Variants in WTIP observed in about 807,000 individuals in gnomAD.
The protein encoded by WTIP is Wilms tumor protein 1-interacting protein.
WTIP carries 23 observed loss-of-function variants against 41.7 expected under a neutral mutation model. The ratio of observed to expected loss-of-function variants is 0.55; its 90% CI spans 0.40 to 0.78. The LOEUF (loss-of-function observed/expected upper bound fraction) is 0.78, where lower values mean the gene tolerates loss of function less well. WTIP is among the 30% of genes least tolerant of loss of function. WTIP has a pLI of 0.00. For missense variants in WTIP, 619 were observed against 610.5 expected, an observed-to-expected ratio of 1.01 and a Z score of -0.15; for synonymous variants, 314 against 269.9, an observed-to-expected ratio of 1.16 and a Z score of -1.60.
chr19:34,499,104 G>T (rs1285833959), intron 7 of WTIP, among the ~76,000 whole-genome samples: 1 of 151,932 alleles, frequency 6.6e-6, no homozygotes, highest in Non-Finnish European at 1.5e-5. Context: ...AGTCCCAGCT[G>T]CTTGGGAGGC....
In WTIP at chr19:34,512,291, C is replaced by T. The variant is rs2075935900; in HGVS notation, c.*12022C>T. 6.6e-6 allele frequency: 1 copy of T among 152,232 alleles called. No homozygotes were observed. Among genetic ancestry groups the T allele is most frequent in the Admixed American group, 6.5e-5 (1 of 15,288 alleles). 9.4% of individuals were successfully genotyped at this position (152,232 alleles called of 1,614,324 possible). On this transcript the variant is annotated 3_prime_UTR_variant, in exon 8 of 8. Coordinates refer to ENST00000590071, the MANE Select transcript of WTIP (RefSeq NM_001080436.2). ...TTTGATAAAGTTAATAAATGGAATTCTCCTTTACCTCAAGAATGCCTTATG... is the reference window on the plus strand; with the variant it reads ...TTTGATAAAGTTAATAAATGGAATTTTCCTTTACCTCAAGAATGCCTTATG...
At chr19:34,495,517 G>T (rs1029532882) in intron 6 of WTIP, among the ~76,000 whole-genome samples, 186 bp from the exon 7 acceptor site, 1 of 152,230 alleles carries the variant, frequency 6.6e-6, no homozygotes, top group Non-Finnish European at 1.5e-5. Flanking sequence ...CCTAAGGCCC[G>T]CATGTGTCTG....
intron 5 of WTIP, 116 bp from the exon 6 acceptor site, chr19:34,494,470 G>A (rs2075842734): frequency 1.0e-6 from 1 of 954,382 alleles, no homozygotes; most frequent in Non-Finnish European, 1.7e-6. Flanking sequence ...GTGCACACAG[G>A]GAGAGAGGGC....
Position 34,493,823 on chromosome 19 carries a change from T to C in WTIP, c.1031+201T>C, listed in dbSNP as rs547994652. ...GGTGGTCCGGCCACCAGCTGTCTTT[T>C]GCCTCTTCTCTCCCTATCGTGGCCT... On this transcript the variant is annotated intron_variant, in intron 5 of 7. Coordinates refer to ENST00000590071, the MANE Select transcript of WTIP (RefSeq NM_001080436.2). The surrounding 1 kb of genome is among the most constrained non-coding windows in gnomAD (Gnocchi z 4.1). Among the ~76,000 whole-genome samples the C allele has an allele frequency of 1.1e-4, 16 of 152,216 alleles. No individual in the cohort carries two copies. The East Asian group carries it at 2.9e-3, about 28-fold the overall frequency.
chr19:34,511,639 A>G lies in WTIP; in HGVS notation c.*11370A>G, dbSNP rs2075933555. The G allele has an allele frequency of 6.6e-6, 1 of 152,188 alleles. No individual in the cohort carries two copies. Among genetic ancestry groups the G allele is most frequent in the African/African-American group, 2.4e-5 (1 of 41,438 alleles). 9.4% of individuals were successfully genotyped at this position (152,188 alleles called of 1,614,324 possible). A position where few individuals can be genotyped will look rare whatever the true frequency, so the allele number is the denominator to read the frequency against. On this transcript the variant is annotated 3_prime_UTR_variant, in exon 8 of 8. Coordinates refer to ENST00000590071, the MANE Select transcript of WTIP (RefSeq NM_001080436.2). ...TCTGTGCCAAGCAGTGTTCCCATCA[A>G]TCATAGGAAAATACCATTTCCCGCA...
chr19:34,505,465 C>G lies in WTIP; in HGVS notation c.*5196C>G, dbSNP rs978394318. 2.0e-5 allele frequency: 3 copies of G among 152,306 alleles called. No individual in the cohort carries two copies. Among genetic ancestry groups the G allele is most frequent in the Admixed American group, 2.0e-4 (3 of 15,290 alleles). The allele number at this position is 152,306 out of a possible 1,614,324, so 9.4% of individuals were successfully genotyped here. ...CCAGCCCCCCTGTGGGCCCTCAGGA[C>G]TGGTAGCCCTGGGCCCCCTGGCGCT... On this transcript the variant is annotated 3_prime_UTR_variant, in exon 8 of 8. Coordinates refer to ENST00000590071, the MANE Select transcript of WTIP (RefSeq NM_001080436.2).
Position 34,493,898 on chromosome 19 carries a change from A to C in WTIP, c.1031+276A>C, listed in dbSNP as rs2075839488. ...GGGGACCCTCCTGGCTGCAGTACCC[A>C]CCATCTTTCCCCCTCCTCCCCTCCA... On this transcript the variant is annotated intron_variant, in intron 5 of 7. Transcript: ENST00000590071. This position sits in a 1 kb window ranked among gnomAD's most constrained non-coding sequence, Gnocchi z 4.1. Among the ~76,000 whole-genome samples, 1 of 151,670 alleles carries C rather than the reference A, an allele frequency of 6.6e-6. No individual in the cohort carries two copies. Among genetic ancestry groups the C allele is most frequent in the South Asian group, 2.1e-4 (1 of 4,798 alleles).
In WTIP at chr19:34,493,149, G is replaced by A. The variant is rs776330579; in HGVS notation, c.837+45G>A. On this transcript the variant is annotated intron_variant, in intron 3 of 7. Coordinates refer to ENST00000590071, the MANE Select transcript of WTIP (RefSeq NM_001080436.2). The surrounding 1 kb of genome is among the most constrained non-coding windows in gnomAD (Gnocchi z 4.1). ...TGGCAGTGCCAGGGGTGGGAGGTGG[G>A]GCAGGGACCCTCATTCTGACTCGAG... is the stretch of plus-strand genomic sequence containing the variant. 3.1e-6 allele frequency: 5 copies of A among 1,613,614 alleles called. No individual in the cohort carries two copies. The South Asian group carries it at 5.5e-5, about 18-fold the overall frequency.
intron 1 of WTIP, among the ~76,000 whole-genome samples, chr19:34,483,009 T>C (rs576341618): frequency 0.018 from 2,561 of 145,070 alleles, 30 homozygotes; most frequent in Non-Finnish European, 0.028. Context: ...CTTTCTTCTT[T>C]TTTTTTTTTT....
At position 34,492,899 on chromosome 19, in the gene WTIP, T is replaced by C; in HGVS notation, c.770-138T>C. ...TTTTGTTATTATAACAATAACAACA[T>C]AATATTAAAGGGAAATTTAGAAAAC... is the stretch of plus-strand genomic sequence containing the variant. On this transcript the variant is annotated intron_variant, in intron 2 of 7. Coordinates refer to ENST00000590071, the MANE Select transcript of WTIP (RefSeq NM_001080436.2). The C allele has an allele frequency of 5.4e-6, 4 of 736,302 alleles. No homozygotes were observed. In the East Asian group the frequency reaches 1.1e-4, roughly 20 times the overall value. 45.6% of individuals were successfully genotyped at this position (736,302 alleles called of 1,614,324 possible).
chr19:34,498,303 C>A (rs531745008), intron 7 of WTIP, among the ~76,000 whole-genome samples: 7 of 152,104 alleles, frequency 4.6e-5, no homozygotes, highest in African/African-American at 1.7e-4. Flanking sequence ...TCAGACCACC[C>A]GGGGGTGGCA....
intron 1 of WTIP, among the ~76,000 whole-genome samples, chr19:34,483,748 C>T (rs778447833): frequency 6.6e-6 from 1 of 152,038 alleles, no homozygotes; most frequent in Admixed American, 6.6e-5. Context: ...GTGAGCGGGG[C>T]AGAGGTATAC....
In WTIP at chr19:34,503,229, A is replaced by G. The variant is rs1343689563; in HGVS notation, c.*2960A>G. 1 of 152,234 alleles carries G rather than the reference A, an allele frequency of 6.6e-6. No individual in the cohort carries two copies. The highest frequency in any genetic ancestry group is 1.5e-5 in the Non-Finnish European group (1 of 68,164). 9.4% of individuals were successfully genotyped at this position (152,234 alleles called of 1,614,324 possible). A position where few individuals can be genotyped will look rare whatever the true frequency, so the allele number is the denominator to read the frequency against. ...TTCTTTCTGGGCCCCTGGGCCCCGC[A>G]TTGCCTTCTGTCAGGGCTGGTGGCC... On this transcript the variant is annotated 3_prime_UTR_variant, in exon 8 of 8. Transcript: ENST00000590071.
At chr19:34,494,681 C>T (rs779664639) in intron 6 of WTIP, 44 bp downstream of exon 6, 167 of 1,599,258 alleles carry the variant, frequency 1.0e-4, no homozygotes, top group Non-Finnish European at 1.3e-4. Context: ...CTGGCCCAGC[C>T]GGCTGCTGTC....
chr19:34,511,509 G>A lies in WTIP; in HGVS notation c.*11240G>A, dbSNP rs2075933181. The A allele has an allele frequency of 6.6e-6, 1 of 152,142 alleles. No individual in the cohort carries two copies. The allele number at this position is 152,142 out of a possible 1,614,324, so 9.4% of individuals were successfully genotyped here. ...AATAAAAAAAAGTAGCTACGTGTTTGGGCCTGGCTTTCATTATTTACCAAG... is the reference window on the plus strand; with the variant it reads ...AATAAAAAAAAGTAGCTACGTGTTTAGGCCTGGCTTTCATTATTTACCAAG... On this transcript the variant is annotated 3_prime_UTR_variant, in exon 8 of 8. Transcript: ENST00000590071.
Position 34,500,454 on chromosome 19 carries a change from T to G in WTIP, c.*185T>G. 1.2e-6 allele frequency: 1 copy of G among 828,416 alleles called. No homozygotes were observed. 51.3% of individuals were successfully genotyped at this position (828,416 alleles called of 1,614,324 possible). On this transcript the variant is annotated 3_prime_UTR_variant, in exon 8 of 8. Coordinates refer to ENST00000590071, the MANE Select transcript of WTIP (RefSeq NM_001080436.2). Reference sequence around the variant, plus strand: ...CACCGTCTGTGCCTGCTCAAGTCACTTCCCTGCGGGCCCTGCCTCCCACCC... The same window carrying G: ...CACCGTCTGTGCCTGCTCAAGTCACGTCCCTGCGGGCCCTGCCTCCCACCC...
At chr19:34,483,737 T>G (rs1232789368) in intron 1 of WTIP, among the ~76,000 whole-genome samples, 1 of 152,014 alleles carries the variant, frequency 6.6e-6, no homozygotes, top group Non-Finnish European at 1.5e-5. Flanking sequence ...GGGGTGAGAT[T>G]GTGAGCGGGG....
chr19:34,482,871 C>T lies in WTIP; in HGVS notation c.667+230C>T, dbSNP rs1250438194. Among the ~76,000 whole-genome samples, 3 of 152,276 alleles carry T rather than the reference C, an allele frequency of 2.0e-5. No individual in the cohort carries two copies. In the East Asian group the frequency reaches 5.8e-4, roughly 29 times the overall value. Reference sequence around the variant, plus strand: ...GCGGCTTCACCCCTGCCTCTGGGTCCCCCGACACACGAGGGGTTCTGGCCG... The same window carrying T: ...GCGGCTTCACCCCTGCCTCTGGGTCTCCCGACACACGAGGGGTTCTGGCCG... On this transcript the variant is annotated intron_variant, in intron 1 of 7. Coordinates refer to ENST00000590071, the MANE Select transcript of WTIP (RefSeq NM_001080436.2).
intron 7 of WTIP, among the ~76,000 whole-genome samples, chr19:34,498,256 C>T (rs893644023): frequency 3.9e-5 from 6 of 152,130 alleles, no homozygotes; most frequent in African/African-American, 9.7e-5. Context: ...ACTTGAAGCC[C>T]GCCCCCTGCT....
Sources: allele counts gnomAD v4.1 joint callset (sites outside exome capture counted in the v4.1 genomes callset), GRCh38; gene constraint gnomAD v4.1.1; non-coding constraint Gnocchi (gnomAD v3.1); transcripts MANE v1.5; gene names NCBI Gene and HGNC (gene_info 2026-07-23, HGNC 2026-07-21).